SPHKAP: variants seen among roughly 807,000 people sequenced by gnomAD.
SPHKAP encodes SPHK1 interactor, AKAP domain containing, also known as A-kinase anchor protein SPHKAP.
Under a neutral mutation model 137.5 loss-of-function variants are expected in SPHKAP, and 67 were observed. The ratio of observed to expected loss-of-function variants is 0.49; its 90% CI spans 0.40 to 0.60. The LOEUF is 0.60. Ranked by LOEUF, SPHKAP falls within the 20% of genes least tolerant of loss-of-function variation. The pLI is 0.00. For synonymous variants in SPHKAP, 813 were observed against 785.3 expected, an observed-to-expected ratio of 1.04 and a Z score of -0.59; for missense variants, 2,097 against 2,069.3, an observed-to-expected ratio of 1.01 and a Z score of -0.26.
chr2:228,164,300 G>T (rs578229144), intron 1 of SPHKAP, among the ~76,000 whole-genome samples: 1 of 152,128 alleles, frequency 6.6e-6, no homozygotes, highest in Non-Finnish European at 1.5e-5. Context: ...TTCAGACTTT[G>T]ACTGAGCCAC....
chr2:228,173,473 C>T (rs1700647794), intron 1 of SPHKAP, among the ~76,000 whole-genome samples: 1 of 152,096 alleles, frequency 6.6e-6, no homozygotes, highest in African/African-American at 2.4e-5. Context: ...GATGTAATCA[C>T]AAGGTTTATT....
chr2:228,107,961 T>C (rs1159956413), intron 3 of SPHKAP, among the ~76,000 whole-genome samples: 1 of 152,208 alleles, frequency 6.6e-6, no homozygotes, highest in African/African-American at 2.4e-5. Flanking sequence ...ACATCCTCTG[T>C]CTGCCAGTTC....
At chr2:228,064,637 T>C (rs1048209997) in intron 3 of SPHKAP, among the ~76,000 whole-genome samples, 2 of 152,230 alleles carry the variant, frequency 1.3e-5, no homozygotes, top group African/African-American at 2.4e-5. Context: ...TTTCCTGATA[T>C]AGATGCTAAT....
intron 5 of SPHKAP, chr2:228,022,364 A>C (rs1360537562): frequency 6.0e-6 from 1 of 165,430 alleles, no homozygotes; most frequent in Non-Finnish European, 1.2e-5. Flanking sequence ...TAAGGGCTAG[A>C]GTGATGGGGG....
chr2:228,158,462 T>C (rs1183605674), intron 1 of SPHKAP, among the ~76,000 whole-genome samples: 1 of 152,002 alleles, frequency 6.6e-6, no homozygotes, highest in Non-Finnish European at 1.5e-5. Context: ...CAAGTTTAAA[T>C]TGTGTCCTTG....
At chr2:228,023,798 T>A (rs149349348) in intron 5 of SPHKAP, among the ~76,000 whole-genome samples, 69 of 152,312 alleles carry the variant, frequency 4.5e-4, no homozygotes, top group Non-Finnish European at 8.7e-4. Flanking sequence ...GTTGATTCAC[T>A]TCCAGCGCCA....
intron 3 of SPHKAP, among the ~76,000 whole-genome samples, chr2:228,049,238 T>C (rs893137135): frequency 6.6e-6 from 1 of 152,226 alleles, no homozygotes; most frequent in East Asian, 1.9e-4. Context: ...TCCAAACACT[T>C]ATCAATGTAT....
chr2:228,026,191 A>G (rs995978582), intron 4 of SPHKAP, among the ~76,000 whole-genome samples: 4 of 151,818 alleles, frequency 2.6e-5, no homozygotes, highest in African/African-American at 9.7e-5. Flanking sequence ...AATCCAATAA[A>G]CCTCTTTCTT....
At position 228,019,087 on chromosome 2, in the gene SPHKAP, G is replaced by C. The variant is rs758385352; in HGVS notation, c.1767C>G (p.Leu589=). 4 of 1,613,926 alleles carry C rather than the reference G, an allele frequency of 2.5e-6. No individual in the cohort carries two copies. In the African/African-American group the frequency reaches 5.3e-5, roughly 22 times the overall value. Reference sequence around the variant, plus strand: ...CTTCAGAAGCCTCAGCTGCAGGCGGGAGGCTACCACTTGGAGCCACTGAGC... The same window carrying C: ...CTTCAGAAGCCTCAGCTGCAGGCGGCAGGCTACCACTTGGAGCCACTGAGC... ...VTCSVAPSGS[L]PPAAEASEAM... Residue 589 remains leucine (L), a synonymous_variant, in exon 7 of 12, where the codon CTC becomes CTG. Transcript: ENST00000392056.
intron 3 of SPHKAP, among the ~76,000 whole-genome samples, chr2:228,046,280 CTGT>C (rs1415108810): frequency 8.6e-6 from 1 of 116,272 alleles, no homozygotes; most frequent in South Asian, 3.0e-4. Flanking sequence ...ATGCTGAATA[CTGT>C]TGTTATTCTT....
intron 7 of SPHKAP, among the ~76,000 whole-genome samples, chr2:228,001,713 T>A (rs1191541204): frequency 2.0e-5 from 3 of 151,734 alleles, no homozygotes; most frequent in Non-Finnish European, 4.4e-5. Flanking sequence ...ATGCTATCCC[T>A]CCCCGCTCCC....
rs552637924 is a variant in SPHKAP, at chr2:228,142,378, C to T, written c.33-10293G>A. Among the ~76,000 whole-genome samples, 177 of 151,588 alleles carry T rather than the reference C, an allele frequency of 1.2e-3. 1 individual carries two copies. Among genetic ancestry groups the T allele is most frequent in the African/African-American group, 3.8e-3 (157 of 41,306 alleles). ...GTGTTACTGGACGGGAGGCTAAGGCCGGAGAATGGCGTGAACCTAGGAGGC... is the reference window on the plus strand; with the variant it reads ...GTGTTACTGGACGGGAGGCTAAGGCTGGAGAATGGCGTGAACCTAGGAGGC... On this transcript the variant is annotated intron_variant, in intron 1 of 11. Transcript: ENST00000392056.
In SPHKAP at chr2:228,018,468, C is replaced by G; in HGVS notation, c.2386G>C (p.Asp796His). ...AGGCCTGGCCTCACTCCACCCTTGT[C>G]TTGTTTTGAATACATGCCATCCACA... Reference protein sequence around the residue: ...NLVDGMYSKQDKGGVRPGLFK... With the variant: ...NLVDGMYSKQHKGGVRPGLFK... The change falls in exon 7 of 12, where the codon GAC (aspartate) becomes CAC (histidine). Residue 796 changes from aspartate (D) to histidine (H), a missense_variant. Transcript: ENST00000392056. 6.2e-7 allele frequency: 1 copy of G among 1,614,166 alleles called. No individual in the cohort carries two copies. The highest frequency in any genetic ancestry group is 2.2e-5 in the East Asian group (1 of 44,876).
chr2:228,053,895 C>A lies in SPHKAP; in HGVS notation c.247-26352G>T, dbSNP rs1696347407. Among the ~76,000 whole-genome samples, 3 of 152,030 alleles carry A rather than the reference C, an allele frequency of 2.0e-5. No individual in the cohort carries two copies. The South Asian group carries it at 6.2e-4, about 32-fold the overall frequency. On this transcript the variant is annotated intron_variant, in intron 3 of 11. Coordinates refer to ENST00000392056, the MANE Select transcript of SPHKAP (RefSeq NM_001142644.2). Reference sequence around the variant, plus strand: ...TTTGTGGTTTTATACATTGTTTGTTCTACTTTAAGTGTGGTTTCAGGAGGG... The same window carrying A: ...TTTGTGGTTTTATACATTGTTTGTTATACTTTAAGTGTGGTTTCAGGAGGG...
intron 1 of SPHKAP, among the ~76,000 whole-genome samples, chr2:228,176,102 G>GTAAGCA (rs1271129144): frequency 6.6e-6 from 1 of 152,186 alleles, no homozygotes; most frequent in African/African-American, 2.4e-5. Flanking sequence ...CACAGAGTAG[G>GTAAGCA]TAAGCATTTT....
At chr2:228,156,424 T>C (rs1487542822) in intron 1 of SPHKAP, among the ~76,000 whole-genome samples, 1 of 152,222 alleles carries the variant, frequency 6.6e-6, no homozygotes, top group Non-Finnish European at 1.5e-5. Flanking sequence ...TAAAGTCTTC[T>C]ATAAATACAC....
intron 3 of SPHKAP, among the ~76,000 whole-genome samples, chr2:228,092,532 C>T (rs1312563339): frequency 1.4e-5 from 1 of 72,852 alleles, no homozygotes; most frequent in South Asian, 4.3e-4. Context: ...TATATGTATA[C>T]ATATATGTGC....
At chr2:228,024,361 T>TAA (rs1553614221) in intron 5 of SPHKAP, among the ~76,000 whole-genome samples, 5,982 of 145,120 alleles carry the variant, frequency 0.041, 210 homozygotes, top group African/African-American at 0.085. Context: ...TTTTTTTTTT[T>TAA]AAATCTGTGA....
chr2:228,003,826 GT>G (rs1351263942), intron 7 of SPHKAP, among the ~76,000 whole-genome samples: 3 of 152,114 alleles, frequency 2.0e-5, no homozygotes, highest in African/African-American at 7.2e-5. Flanking sequence ...TAATCATGTG[GT>G]TTTTGTCTTT....
Sources: gnomAD v4.1 joint callset for allele counts (sites outside exome capture counted in the v4.1 genomes callset) on GRCh38, gnomAD v4.1.1 for gene constraint, MANE v1.5 for transcripts, NCBI Gene and HGNC (gene_info 2026-07-23, HGNC 2026-07-21) for gene names.